Variants in SPOCK3 observed in about 807,000 individuals in gnomAD.
SPOCK3 encodes testican-3.
Under a neutral mutation model 56.6 loss-of-function variants are expected in SPOCK3, and 30 were observed. That is an observed-to-expected ratio of 0.53 (90% CI 0.40 to 0.72). The LOEUF (loss-of-function observed/expected upper bound fraction) is 0.72. Ranked by LOEUF, SPOCK3 falls within the 30% of genes least tolerant of loss-of-function variation. The probability of loss-of-function intolerance (pLI) is 0.00; values close to 1 mark genes in which losing one functional copy is unlikely to be tolerated. For synonymous variants in SPOCK3, 196 were observed against 183.3 expected, an observed-to-expected ratio of 1.07 and a Z score of -0.56; for missense variants, 527 against 530.0, an observed-to-expected ratio of 0.99 and a Z score of 0.06.
At chr4:166,944,324 A>T (rs1179391428) in intron 4 of SPOCK3, among the ~76,000 whole-genome samples, 7 of 152,134 alleles carry the variant, frequency 4.6e-5, no homozygotes, top group African/African-American at 1.4e-4. Flanking sequence ...TCTTACAACG[A>T]CATATCTCCT....
intron 3 of SPOCK3, among the ~76,000 whole-genome samples, chr4:167,033,362 A>C (rs1226538391): frequency 6.7e-6 from 1 of 148,602 alleles, no homozygotes; most frequent in Non-Finnish European, 1.5e-5. Context: ...AAATTCAATA[A>C]GTTACATTTT....
chr4:166,994,057 C>T lies in SPOCK3; in HGVS notation c.350+6292G>A, dbSNP rs560851562. Reference sequence around the variant, plus strand: ...AGTCCGTCCAGCTTCAAATTACATCCATTAACCATTATGCTGAAAAGCCTT... The same window carrying T: ...AGTCCGTCCAGCTTCAAATTACATCTATTAACCATTATGCTGAAAAGCCTT... On this transcript the variant is annotated intron_variant, in intron 4 of 10. Coordinates refer to ENST00000357545, the MANE Select transcript of SPOCK3 (RefSeq NM_001040159.2). 6.6e-5 allele frequency among the ~76,000 whole-genome samples: 10 copies of T among 152,182 alleles called. No homozygotes were observed. In the East Asian group the frequency reaches 1.6e-3, roughly 24 times the overall value.
At chr4:166,785,355 A>G (rs1740622304) in intron 7 of SPOCK3, among the ~76,000 whole-genome samples, 1 of 152,070 alleles carries the variant, frequency 6.6e-6, no homozygotes, top group African/African-American at 2.4e-5. Context: ...AAGCTATGAC[A>G]TTTTTGACCA....
intron 2 of SPOCK3, among the ~76,000 whole-genome samples, chr4:167,135,549 G>C (rs896790080): frequency 2.0e-5 from 3 of 152,072 alleles, no homozygotes; most frequent in Non-Finnish European, 4.4e-5. Context: ...TGAACACTCT[G>C]ACCACCAGTG....
At chr4:166,742,279 A>T (rs534377711) in intron 8 of SPOCK3, among the ~76,000 whole-genome samples, 1 of 150,194 alleles carries the variant, frequency 6.7e-6, no homozygotes, top group Non-Finnish European at 1.5e-5. Flanking sequence ...CTATCTATCT[A>T]ATATCTATCT....
At chr4:167,116,275 A>G (rs1346915636) in intron 2 of SPOCK3, among the ~76,000 whole-genome samples, 1 of 151,616 alleles carries the variant, frequency 6.6e-6, no homozygotes, top group African/African-American at 2.4e-5. Flanking sequence ...TGGAAACATA[A>G]TAAGTGTAGC....
At chr4:167,190,641 T>C (rs1732395636) in intron 2 of SPOCK3, among the ~76,000 whole-genome samples, 1 of 145,870 alleles carries the variant, frequency 6.9e-6, no homozygotes, top group Non-Finnish European at 1.5e-5. Flanking sequence ...TTATTTTTGC[T>C]TTTGTTGCCT....
intron 2 of SPOCK3, among the ~76,000 whole-genome samples, chr4:167,069,480 T>C (rs1025148981): frequency 2.6e-5 from 4 of 151,890 alleles, no homozygotes; most frequent in Non-Finnish European, 4.4e-5. Context: ...AAGATAAAAA[T>C]AATAAACTGT....
chr4:166,989,141 G>T (rs1407435431), intron 4 of SPOCK3, among the ~76,000 whole-genome samples: 3 of 152,050 alleles, frequency 2.0e-5, no homozygotes, highest in Non-Finnish European at 4.4e-5. Context: ...CAGTAGACCT[G>T]TGGGATTTCA....
chr4:166,922,990 A>G (rs1372966590), intron 4 of SPOCK3, among the ~76,000 whole-genome samples: 1 of 152,214 alleles, frequency 6.6e-6, no homozygotes, highest in African/African-American at 2.4e-5. Flanking sequence ...TTGCTGATTT[A>G]AACAACGAAA....
chr4:166,860,802 C>CATATATATACATATATAT (rs1553989681), intron 6 of SPOCK3, among the ~76,000 whole-genome samples: 1 of 101,940 alleles, frequency 9.8e-6, no homozygotes, highest in African/African-American at 3.8e-5. Flanking sequence ...CACACAAATT[C>CATATATATACATATATAT]ATATATATAT....
At chr4:167,153,993 C>T (rs1265754824) in intron 2 of SPOCK3, among the ~76,000 whole-genome samples, 2 of 152,142 alleles carry the variant, frequency 1.3e-5, no homozygotes. Flanking sequence ...CTCATTTCTG[C>T]CTCAAGCCCC....
At chr4:167,221,006 A>C (rs1735856043) in intron 2 of SPOCK3, among the ~76,000 whole-genome samples, 1 of 152,134 alleles carries the variant, frequency 6.6e-6, no homozygotes, top group Non-Finnish European at 1.5e-5. Flanking sequence ...TCCTTGGTCT[A>C]GCAGGTAAGA....
intron 3 of SPOCK3, among the ~76,000 whole-genome samples, chr4:167,007,614 T>C (rs536696793): frequency 1.8e-4 from 28 of 152,286 alleles, no homozygotes; most frequent in African/African-American, 6.5e-4. Context: ...ACATTGTTCA[T>C]AAAACAAGGT....
chr4:166,874,537 T>C (rs1389420507), intron 6 of SPOCK3, among the ~76,000 whole-genome samples: 1 of 152,182 alleles, frequency 6.6e-6, no homozygotes, highest in African/African-American at 2.4e-5. Context: ...TTTACCTACA[T>C]TGTAGAAGAG....
At chr4:167,205,315 TTTATATATATA>T (rs1734010948) in intron 2 of SPOCK3, among the ~76,000 whole-genome samples, 2 of 44,914 alleles carry the variant, frequency 4.5e-5, no homozygotes, top group South Asian at 6.0e-4. Flanking sequence ...TATTATATAT[TTTATATATATA>T]ATATATATTA....
chr4:166,952,502 T>C, intron 4 of SPOCK3, among the ~76,000 whole-genome samples: 1 of 152,104 alleles, frequency 6.6e-6, no homozygotes, highest in Non-Finnish European at 1.5e-5. Flanking sequence ...AAAATGGCCA[T>C]ACTGCCTAAG....
At chr4:166,798,338 T>C (rs530133448) in intron 6 of SPOCK3, among the ~76,000 whole-genome samples, 2 of 152,262 alleles carry the variant, frequency 1.3e-5, no homozygotes, top group South Asian at 4.1e-4. Flanking sequence ...CTTGTTTTGT[T>C]CATCACGGCC....
intron 2 of SPOCK3, among the ~76,000 whole-genome samples, chr4:167,069,712 T>C (rs932984953): frequency 6.6e-6 from 1 of 151,986 alleles, no homozygotes; most frequent in African/African-American, 2.4e-5. Context: ...GATTTTGCTG[T>C]AATTAATCAC....
Sources: gnomAD v4.1 joint callset for allele counts (sites outside exome capture counted in the v4.1 genomes callset) on GRCh38, gnomAD v4.1.1 for gene constraint, MANE v1.5 for transcripts, NCBI Gene and HGNC (gene_info 2026-07-23, HGNC 2026-07-21) for gene names.